Variants in RAPGEF2 observed in about 807,000 individuals in gnomAD.
RAPGEF2 encodes Rap guanine nucleotide exchange factor 2.
A neutral mutation model predicts 186.7 loss-of-function variants in RAPGEF2; 54 were observed. The observed-to-expected ratio is 0.29, with a 90% CI of 0.23 to 0.36. RAPGEF2 has a LOEUF of 0.36. Ranked by LOEUF, RAPGEF2 falls within the 10% of genes least tolerant of loss-of-function variation. The pLI is 1.00. For missense variants in RAPGEF2, 1,532 were observed against 2,045.0 expected, an observed-to-expected ratio of 0.75 and a Z score of 4.84; for synonymous variants, 712 against 705.9, an observed-to-expected ratio of 1.01 and a Z score of -0.14.
At chr4:159,271,664 G>C (rs1158889809) in intron 7 of RAPGEF2, among the ~76,000 whole-genome samples, 1 of 152,146 alleles carries the variant, frequency 6.6e-6, no homozygotes, top group African/African-American at 2.4e-5. Context: ...CTACCCCTAT[G>C]TGACCAAATT....
chr4:159,185,485 T>C (rs921194987), intron 1 of RAPGEF2, among the ~76,000 whole-genome samples: 2 of 152,070 alleles, frequency 1.3e-5, no homozygotes, highest in Admixed American at 6.5e-5. Context: ...TATTTGGCAA[T>C]AAAAAGGAAA....
Position 159,238,845 on chromosome 4 carries a change from C to T in RAPGEF2, c.318C>T (p.Gly106=). The T allele has an allele frequency of 6.6e-7, 1 of 1,524,412 alleles. No individual in the cohort carries two copies. 94.4% of individuals were successfully genotyped at this position (1,524,412 alleles called of 1,614,324 possible). The change falls in exon 5 of 30, where the codon GGC becomes GGT. Residue 106 remains glycine (G), a synonymous_variant. Coordinates refer to ENST00000691494, the MANE Select transcript of RAPGEF2 (RefSeq NM_001394067.2). ...GTTCTGCAGGAAGTTTTAGGCGTGGCTGTGAATGCATTGTTTTAGAGCCTT... is the reference window on the plus strand; with the variant it reads ...GTTCTGCAGGAAGTTTTAGGCGTGGTTGTGAATGCATTGTTTTAGAGCCTT... ...GKRSAGSFRR[G]CECIVLEPSE...
At chr4:159,138,005 T>TA (rs1415194578) in intron 1 of RAPGEF2, among the ~76,000 whole-genome samples, 1 of 152,240 alleles carries the variant, frequency 6.6e-6, no homozygotes, top group African/African-American at 2.4e-5. Flanking sequence ...ATTGCATTAT[T>TA]AATTTTCATG....
At chr4:159,198,274 CTTTCTTT>C (rs1748931968) in intron 3 of RAPGEF2, among the ~76,000 whole-genome samples, 1 of 5,512 alleles carries the variant, frequency 1.8e-4, no homozygotes, top group African/African-American at 8.9e-4. Context: ...TTCTTTCCTT[CTTTCTTT>C]CTTTCTTTCT....
At position 159,209,141 on chromosome 4, in the gene RAPGEF2, C is replaced by T. The variant is rs1338910012; in HGVS notation, c.198-1359C>T. ...TCCTGACCTCAGGTGATCCGCCTGC[C>T]TGAGCCTCCCAAAGTGCTGAGATTA... is the stretch of plus-strand genomic sequence containing the variant. On this transcript the variant is annotated intron_variant, in intron 3 of 29. Transcript: ENST00000691494. Among the ~76,000 whole-genome samples the T allele has an allele frequency of 4.1e-5, 6 of 147,132 alleles. No individual in the cohort carries two copies. The East Asian group carries it at 1.2e-3, about 29-fold the overall frequency.
intron 1 of RAPGEF2, among the ~76,000 whole-genome samples, chr4:159,162,616 G>A (rs1744837369): frequency 6.6e-6 from 1 of 152,002 alleles, no homozygotes; most frequent in African/African-American, 2.4e-5. Flanking sequence ...GAACCTAAGG[G>A]TTTTGCTGGT....
intron 1 of RAPGEF2, among the ~76,000 whole-genome samples, chr4:159,135,221 T>C (rs1347250544): frequency 6.6e-6 from 1 of 152,066 alleles, no homozygotes; most frequent in Non-Finnish European, 1.5e-5. Flanking sequence ...TTTTTATATT[T>C]TTTTTGTAGA....
chr4:159,295,750 TGTGTGCGC>T (rs760020105), intron 7 of RAPGEF2, among the ~76,000 whole-genome samples: 34 of 104,564 alleles, frequency 3.3e-4, no homozygotes, highest in Middle Eastern at 4.6e-3. Flanking sequence ...TGTGTGTGTG[TGTGTGCGC>T]GCGCGCGCGC....
intron 29 of RAPGEF2, among the ~76,000 whole-genome samples, chr4:159,356,614 G>T (rs1281335554): frequency 6.6e-6 from 1 of 152,130 alleles, no homozygotes; most frequent in African/African-American, 2.4e-5. Flanking sequence ...TTAAGAAAAA[G>T]AATAGGCCAG....
intron 7 of RAPGEF2, among the ~76,000 whole-genome samples, chr4:159,280,063 GTTC>G (rs2110883991): frequency 6.6e-6 from 1 of 152,232 alleles, no homozygotes; most frequent in Non-Finnish European, 1.5e-5. Flanking sequence ...CATCCATATG[GTTC>G]GCCAGAGGTC....
At chr4:159,121,661 A>G (rs943658387) in intron 1 of RAPGEF2, among the ~76,000 whole-genome samples, 4 of 152,034 alleles carry the variant, frequency 2.6e-5, no homozygotes, top group African/African-American at 4.8e-5. Context: ...TGGGATTTCA[A>G]TAAATATATT....
intron 9 of RAPGEF2, among the ~76,000 whole-genome samples, chr4:159,320,431 T>G (rs1165476753): frequency 6.6e-6 from 1 of 152,348 alleles, no homozygotes; most frequent in East Asian, 1.9e-4. Context: ...ACGTATTCTT[T>G]CTATAACTGA....
At chr4:159,235,763 A>G (rs1753183170) in intron 4 of RAPGEF2, among the ~76,000 whole-genome samples, 1 of 152,190 alleles carries the variant, frequency 6.6e-6, no homozygotes, top group Non-Finnish European at 1.5e-5. Flanking sequence ...AAATAATCAT[A>G]TTTACTTGCT....
intron 1 of RAPGEF2, among the ~76,000 whole-genome samples, chr4:159,125,751 C>G (rs536407460): frequency 1.9e-4 from 25 of 134,152 alleles, no homozygotes; most frequent in South Asian, 1.4e-3. Context: ...GAGTGAGAAT[C>G]TGTCTCGAAA....
At position 159,330,295 on chromosome 4, in the gene RAPGEF2, G is replaced by GTGTGTGTGTA. The variant is rs1554038040; in HGVS notation, c.1303-38_1303-37insGTGTGTGTAT. On this transcript the variant is annotated intron_variant, in intron 12 of 29. Transcript: ENST00000691494. ...TGTGTGTGTGTGTGTGTGTGTGTGTGTATATATATGTAGTAATTAAACCTT... is the reference window on the plus strand; with the variant it reads ...TGTGTGTGTGTGTGTGTGTGTGTGTGTGTGTGTGTATATATATATGTAGTAATTAAACCTT... 1.7e-3 allele frequency: 1,585 copies of GTGTGTGTGTA among 924,258 alleles called. 14 individuals carry two copies. In the African/African-American group the frequency reaches 0.023, roughly 13 times the overall value. 57.3% of individuals were successfully genotyped at this position (924,258 alleles called of 1,614,324 possible). A position where few individuals can be genotyped will look rare whatever the true frequency, so the allele number is the denominator to read the frequency against.
intron 1 of RAPGEF2, among the ~76,000 whole-genome samples, chr4:159,153,180 A>G (rs1439738268): frequency 6.6e-6 from 1 of 152,116 alleles, no homozygotes; most frequent in African/African-American, 2.4e-5. Flanking sequence ...ACTTGAGTTG[A>G]TTTTGATGTA....
chr4:159,268,256 A>G (rs758312448), intron 7 of RAPGEF2: 9 of 1,430,288 alleles, frequency 6.3e-6, no homozygotes, highest in Admixed American at 1.7e-5. Flanking sequence ...ATAGCACGTC[A>G]TAGAGAACTG....
At chr4:159,275,109 A>T (rs1758681179) in intron 7 of RAPGEF2, among the ~76,000 whole-genome samples, 1 of 143,954 alleles carries the variant, frequency 6.9e-6, no homozygotes, top group Admixed American at 7.0e-5. Flanking sequence ...GATATATGAG[A>T]ATCTTATAAT....
chr4:159,251,107 C>T (rs947313248), intron 7 of RAPGEF2, among the ~76,000 whole-genome samples: 9 of 152,214 alleles, frequency 5.9e-5, no homozygotes, highest in African/African-American at 2.2e-4. Context: ...CCAGCACTGC[C>T]AGCTGGCCCG....
Sources: gnomAD v4.1 joint callset for allele counts (sites outside exome capture counted in the v4.1 genomes callset) on GRCh38, gnomAD v4.1.1 for gene constraint, MANE v1.5 for transcripts, NCBI Gene and HGNC (gene_info 2026-07-23, HGNC 2026-07-21) for gene names.